Variants in PAK3 observed in about 807,000 individuals in gnomAD.
PAK3 encodes serine/threonine-protein kinase PAK 3.
A neutral mutation model predicts 41.0 loss-of-function variants in PAK3; 4 were observed. That is an observed-to-expected ratio of 0.10 (90% CI 0.05 to 0.22). The LOEUF (loss-of-function observed/expected upper bound fraction) is 0.22, where lower values mean the gene tolerates loss of function less well. Ranked by LOEUF, PAK3 falls within the 10% of genes least tolerant of loss-of-function variation. The pLI is 1.00. For synonymous variants in PAK3, 146 were observed against 139.6 expected (o/e 1.05, Z -0.32); for missense variants, 205 against 409.9 (o/e 0.50, Z 4.32).
At chrX:111,109,224 T>C (rs1309982950) in intron 4 of PAK3, among the ~76,000 whole-genome samples, 1 of 112,134 alleles carries the variant, frequency 8.9e-6, no homozygotes, top group African/African-American at 3.2e-5. Flanking sequence ...TATATGAAAG[T>C]GTTTAGCAAA....
At chrX:111,137,487 G>A (rs1207376891) in intron 5 of PAK3, among the ~76,000 whole-genome samples, 1 of 110,963 alleles carries the variant, frequency 9.0e-6, no homozygotes, top group Non-Finnish European at 1.9e-5. Context: ...AGATGAAAAT[G>A]ATGTACAGTG....
chrX:111,093,219 G>A (rs2092943584), upstream of PAK3, among the ~76,000 whole-genome samples: 1 of 111,647 alleles, frequency 9.0e-6, no homozygotes, highest in Non-Finnish European at 1.9e-5. Flanking sequence ...CCATCTCTGT[G>A]AAGCACTGGA....
intron 4 of PAK3, among the ~76,000 whole-genome samples, chrX:111,111,140 C>A (rs1004881810): frequency 2.7e-5 from 3 of 111,994 alleles, no homozygotes; most frequent in African/African-American, 9.7e-5. Flanking sequence ...GTCCAGCTCT[C>A]CATTGAACAG....
intron 1 of PAK3, among the ~76,000 whole-genome samples, chrX:111,030,340 G>A (rs1602905335): frequency 9.0e-6 from 1 of 111,170 alleles, no homozygotes; most frequent in African/African-American, 3.3e-5. Flanking sequence ...GGAATGTGTA[G>A]TGAGAAGGAA....
intron 1 of PAK3, among the ~76,000 whole-genome samples, chrX:111,009,998 T>C (rs2091988743): frequency 9.0e-6 from 1 of 111,227 alleles, no homozygotes; most frequent in Admixed American, 9.5e-5. Flanking sequence ...GAAAAAAAAA[T>C]ATTCATTTGC....
intron 1 of PAK3, among the ~76,000 whole-genome samples, chrX:111,006,818 T>TTTCTTTCG: frequency 8.5e-5 from 1 of 11,721 alleles, no homozygotes; most frequent in African/African-American, 1.2e-4. Flanking sequence ...TTTCCCTTTC[T>TTTCTTTCG]TTCTTTCTTT....
intron 5 of PAK3, among the ~76,000 whole-genome samples, chrX:111,133,250 T>C (rs1227630501): frequency 9.0e-6 from 1 of 111,667 alleles, no homozygotes; most frequent in Non-Finnish European, 1.9e-5. Flanking sequence ...ACATGCAATA[T>C]GCATCCCTAC....
At chrX:111,049,472 C>T (rs1028508041) in intron 1 of PAK3, among the ~76,000 whole-genome samples, 1 of 111,703 alleles carries the variant, frequency 9.0e-6, no homozygotes, top group Non-Finnish European at 1.9e-5. Flanking sequence ...GTGAATGTGG[C>T]ATAAATTAAT....
intron 1 of PAK3, among the ~76,000 whole-genome samples, chrX:110,985,376 G>A (rs780152874): frequency 8.9e-6 from 1 of 112,129 alleles, no homozygotes; most frequent in South Asian, 3.8e-4. Flanking sequence ...CTTCTAGAGT[G>A]TTAACTCTGT....
At chrX:111,047,079 A>G (rs978568107) in intron 1 of PAK3, among the ~76,000 whole-genome samples, 1 of 112,523 alleles carries the variant, frequency 8.9e-6, no homozygotes, top group Non-Finnish European at 1.9e-5. Flanking sequence ...ATTCATTTAC[A>G]TAAATTCAGA....
chrX:110,995,337 T>A (rs910558641), intron 1 of PAK3, among the ~76,000 whole-genome samples: 1 of 111,398 alleles, frequency 9.0e-6, no homozygotes, highest in Admixed American at 9.6e-5. Flanking sequence ...ATGGCATACA[T>A]ATTCCAACCC....
intron 11 of PAK3, among the ~76,000 whole-genome samples, chrX:111,181,562 G>T (rs1355383452): frequency 9.0e-6 from 1 of 111,138 alleles, no homozygotes; most frequent in African/African-American, 3.3e-5. Context: ...ACTTATCTCT[G>T]CTACTCAGTG....
intron 3 of PAK3, among the ~76,000 whole-genome samples, chrX:111,100,635 A>T (rs767449213): frequency 3.6e-5 from 4 of 111,693 alleles, no homozygotes; most frequent in Non-Finnish European, 7.5e-5. Flanking sequence ...AAAAGGTTCC[A>T]AACCTCCTTT....
At chrX:111,086,632 C>T (rs1249838572) in intron 1 of PAK3, among the ~76,000 whole-genome samples, 5 of 110,959 alleles carry the variant, frequency 4.5e-5, no homozygotes, top group Non-Finnish European at 7.5e-5. Context: ...AAACAGAGCC[C>T]GCAAATTACC....
chrX:111,028,478 A>G (rs1380765701), intron 1 of PAK3, among the ~76,000 whole-genome samples: 1 of 111,788 alleles, frequency 8.9e-6, no homozygotes, highest in Non-Finnish European at 1.9e-5. Context: ...TATTTTATGT[A>G]TATTTTACCA....
chrX:111,006,257 G>A (rs1193823533), intron 1 of PAK3, among the ~76,000 whole-genome samples: 1 of 111,831 alleles, frequency 8.9e-6, no homozygotes, highest in African/African-American at 3.3e-5. Context: ...TATATATTAG[G>A]TAATATAATT....
At chrX:111,102,363 T>C (rs1174512771) in intron 3 of PAK3, among the ~76,000 whole-genome samples, 1 of 112,066 alleles carries the variant, frequency 8.9e-6, no homozygotes, top group African/African-American at 3.2e-5. Flanking sequence ...TGGGGAGTAC[T>C]GTGGAAGACT....
intron 1 of PAK3, among the ~76,000 whole-genome samples, chrX:110,964,078 G>A (rs969782258): frequency 2.7e-5 from 3 of 111,637 alleles, no homozygotes; most frequent in African/African-American, 9.8e-5. Context: ...CAGCATGCTA[G>A]TCACTGTCAC....
chrX:111,070,843 A>G (rs1317049512), intron 1 of PAK3, among the ~76,000 whole-genome samples: 2 of 111,995 alleles, frequency 1.8e-5, no homozygotes, highest in Non-Finnish European at 3.8e-5. Context: ...AGTCTGTCTT[A>G]TTCACTGCTT....
Sources: gnomAD v4.1 joint callset for allele counts (sites outside exome capture counted in the v4.1 genomes callset) on GRCh38, gnomAD v4.1.1 for gene constraint, MANE v1.5 for transcripts, NCBI Gene and HGNC (gene_info 2026-07-23, HGNC 2026-07-21) for gene names.